ARL10: variants seen among roughly 807,000 people sequenced by gnomAD.
The protein encoded by ARL10 is ADP-ribosylation factor-like protein 10.
Under a neutral mutation model 26.1 loss-of-function variants are expected in ARL10, and 23 were observed. That is an observed-to-expected ratio of 0.88 (90% CI 0.63 to 1.25). The LOEUF (loss-of-function observed/expected upper bound fraction) is 1.25, where lower values mean the gene tolerates loss of function less well. Among genes scored for constraint, ARL10 ranks in the 50% most tolerant of loss-of-function variants. ARL10 has a pLI of 0.00. For synonymous variants in ARL10, 138 were observed against 149.1 expected, an observed-to-expected ratio of 0.93 and a Z score of 0.54; for missense variants, 300 against 323.6, an observed-to-expected ratio of 0.93 and a Z score of 0.56.
At chr5:176,406,605 T>C, downstream of ARL10, 9 of 1,289,398 alleles carry the variant, frequency 7.0e-6, no homozygotes, top group Non-Finnish European at 9.1e-6. Flanking sequence ...CTTCTGTCCC[T>C]GCCCCTGGCT....
intron 1 of ARL10, chr5:176,397,471 CTCA>C: frequency 1.6e-6 from 1 of 641,248 alleles, no homozygotes; most frequent in Non-Finnish European, 2.7e-6. Flanking sequence ...CCACGGCCCC[CTCA>C]TGTCCCCACA....
downstream of ARL10, chr5:176,392,472 A>G (rs1581418356): frequency 9.6e-6 from 3 of 310,904 alleles, no homozygotes; most frequent in East Asian, 1.6e-4. The surrounding 1 kb of genome is among the most constrained non-coding windows in gnomAD (Gnocchi z 5.2). Flanking sequence ...CAGAGAAGTG[A>G]GAATGATAAT....
downstream of ARL10, chr5:176,406,490 C>A (rs1355819128): frequency 3.3e-6 from 4 of 1,207,142 alleles, no homozygotes; most frequent in African/African-American, 6.4e-5. Flanking sequence ...CTAAGCTAAG[C>A]TGAGCTGCTG....
At chr5:176,383,891 C>A (rs936287614), downstream of ARL10, 46 of 1,348,972 alleles carry the variant, frequency 3.4e-5, 1 homozygote, top group East Asian at 1.2e-3. Flanking sequence ...TGGTTTTCAC[C>A]GGGGCAGCCC....
intron 3 of ARL10, 189 bp downstream of exon 3, chr5:176,369,171 G>T (rs189355583): frequency 6.5e-7 from 1 of 1,532,638 alleles, no homozygotes; most frequent in African/African-American, 1.4e-5. Flanking sequence ...CTATCATCTC[G>T]TACTCTGGAG....
intron 3 of ARL10, among the ~76,000 whole-genome samples, chr5:176,369,559 C>T (rs1022381294): frequency 2.0e-5 from 3 of 152,122 alleles, no homozygotes; most frequent in African/African-American, 7.2e-5. Context: ...AATAACATTT[C>T]TTCTTATGCT....
At chr5:176,412,231 G>A in the ARL10 span, among the ~76,000 whole-genome samples, 2,920 of 151,074 alleles carry the variant, frequency 0.019, 45 homozygotes, top group Non-Finnish European at 0.027. Flanking sequence ...CCAAGGTCCA[G>A]CTCATAAGTC....
rs1755445614 is a variant in ARL10 at position 176,378,177 on chromosome 5, T to G, written c.*6282T>G. 6.6e-6 allele frequency: 1 copy of G among 152,254 alleles called. No homozygotes were observed. The allele number at this position is 152,254 out of a possible 1,614,324, so 9.4% of individuals were successfully genotyped here. On this transcript the variant is annotated 3_prime_UTR_variant, in exon 4 of 4. Coordinates refer to ENST00000310389, the MANE Select transcript of ARL10 (RefSeq NM_173664.6). ...TGTTTACGTCTGTCAGATAACAATT[T>G]TGGTTTTCCACATCAGGTGCATTGC...
At chr5:176,398,123 CACTCATGTCTGGATA>C (rs1756641343) in intron 1 of ARL10, 1 of 1,348,104 alleles carries the variant, frequency 7.4e-7, no homozygotes, top group African/African-American at 1.4e-5. Context: ...GCTGGGGACC[CACTCATGTCTGGATA>C]ACTCAGCCTC....
At chr5:176,412,713 A>G in the ARL10 span, among the ~76,000 whole-genome samples, 3 of 152,154 alleles carry the variant, frequency 2.0e-5, no homozygotes, top group Non-Finnish European at 4.4e-5. Context: ...TTTCAGAGTC[A>G]ACCAGTGATT....
downstream of ARL10, among the ~76,000 whole-genome samples, chr5:176,393,362 C>A (rs143235460): frequency 2.3e-3 from 353 of 152,342 alleles, 1 homozygote; most frequent in African/African-American, 8.1e-3. The surrounding 1 kb of genome is among the most constrained non-coding windows in gnomAD (Gnocchi z 4.4). Context: ...AGCTATTTCA[C>A]CATTTCCAAA....
rs759037091 is a variant in ARL10 at position 176,375,458 on chromosome 5, C to T, written c.*3563C>T. 3.9e-5 allele frequency: 6 copies of T among 152,100 alleles called. No homozygotes were observed. Among genetic ancestry groups the T allele is most frequent in the East Asian group, 1.9e-4 (1 of 5,196 alleles). 9.4% of individuals were successfully genotyped at this position (152,100 alleles called of 1,614,324 possible). ...TTCCATACAGTTGGCACCTCACTGC[C>T]GCCAAAAGTGAGTCCGCAGGAACTC... On this transcript the variant is annotated 3_prime_UTR_variant, in exon 4 of 4. Transcript: ENST00000310389.
rs1030071529 is a variant in ARL10, at chr5:176,381,021, G to C, written c.*9126G>C. On this transcript the variant is annotated 3_prime_UTR_variant, in exon 4 of 4. Coordinates refer to ENST00000310389, the MANE Select transcript of ARL10 (RefSeq NM_173664.6). Reference sequence around the variant, plus strand: ...GAGCTCAAGAGATCTTCCTGCCTCAGCCTCCCAAAGTGCTGGGATTACAGG... The same window carrying C: ...GAGCTCAAGAGATCTTCCTGCCTCACCCTCCCAAAGTGCTGGGATTACAGG... The C allele has an allele frequency of 1.3e-4, 20 of 152,180 alleles. No individual in the cohort carries two copies. The highest frequency in any genetic ancestry group is 4.6e-4 in the African/African-American group (19 of 41,420). 9.4% of individuals were successfully genotyped at this position (152,180 alleles called of 1,614,324 possible). A position where few individuals can be genotyped will look rare whatever the true frequency, so the allele number is the denominator to read the frequency against.
At chr5:176,386,299 G>A (rs533599707), downstream of ARL10, 30 of 179,132 alleles carry the variant, frequency 1.7e-4, no homozygotes, top group African/African-American at 6.3e-4. Flanking sequence ...GGAACTCAAG[G>A]AATTCTGTAT....
At chr5:176,412,054 T>C in the ARL10 span, among the ~76,000 whole-genome samples, 1 of 151,274 alleles carries the variant, frequency 6.6e-6, no homozygotes, top group Non-Finnish European at 1.5e-5. Context: ...CAGGCGCCTG[T>C]AGTCCCAGCC....
Position 176,365,655 on chromosome 5 carries a change from A to C in ARL10, c.92A>C (p.Tyr31Ser). 8.0e-7 allele frequency: 1 copy of C among 1,252,644 alleles called. No individual in the cohort carries two copies. The highest frequency in any genetic ancestry group is 1.0e-6 in the Non-Finnish European group (1 of 997,788). The allele number at this position is 1,252,644 out of a possible 1,614,324, so 77.6% of individuals were successfully genotyped here. The change falls in exon 1 of 4, where the codon TAC (tyrosine) becomes TCC (serine). Residue 31 changes from tyrosine to serine, a missense_variant. Transcript: ENST00000310389. ...GSVLFILWKT[Y>S]FGRGRERRWD... Reference sequence around the variant, plus strand: ...GTGCTCTTCATCCTCTGGAAGACCTACTTCGGCCGCGGCCGAGAGCGGCGC... The same window carrying C: ...GTGCTCTTCATCCTCTGGAAGACCTCCTTCGGCCGCGGCCGAGAGCGGCGC...
downstream of ARL10, among the ~76,000 whole-genome samples, chr5:176,383,222 G>GA (rs113471891): frequency 1.3e-5 from 2 of 152,190 alleles, no homozygotes; most frequent in East Asian, 3.9e-4. Context: ...ATGATCTATG[G>GA]AAAAAACCAA....
rs1448667269 is a variant in ARL10 at position 176,381,289 on chromosome 5, T to C, written c.*9394T>C. The C allele has an allele frequency of 1.3e-5, 2 of 152,204 alleles. No individual in the cohort carries two copies. Among genetic ancestry groups the C allele is most frequent in the Admixed American group, 6.6e-5 (1 of 15,264 alleles). The allele number at this position is 152,204 out of a possible 1,614,324, so 9.4% of individuals were successfully genotyped here. A position where few individuals can be genotyped will look rare whatever the true frequency, so the allele number is the denominator to read the frequency against. The stretch of plus-strand genomic sequence containing the variant: ...GCTCAGAATCCTAGGAAGAACTCAC[T>C]ATGACCTCCAGTTGCTGTGAGGGGT... On this transcript the variant is annotated 3_prime_UTR_variant, in exon 4 of 4. Transcript: ENST00000310389.
chr5:176,386,654 G>T, downstream of ARL10: 1 of 694,864 alleles, frequency 1.4e-6, no homozygotes, highest in Non-Finnish European at 2.7e-6. Flanking sequence ...TAAGGTCAGG[G>T]TTTAGTCAGT....
Sources: gnomAD v4.1 joint callset for allele counts (sites outside exome capture counted in the v4.1 genomes callset) on GRCh38, gnomAD v4.1.1 for gene constraint, Gnocchi (gnomAD v3.1) non-coding constraint, MANE v1.5 for transcripts, NCBI Gene and HGNC (gene_info 2026-07-23, HGNC 2026-07-21) for gene names.